The following DNAH9 variants were observed in gnomAD, a reference collection of about 807,000 sequenced individuals.
DNAH9 encodes the protein dynein axonemal heavy chain 9, also known as DNAH9 variant protein.
Under a neutral mutation model 471.6 loss-of-function variants are expected in DNAH9, and 345 were observed. The observed-to-expected ratio is 0.73, with a 90% confidence interval of 0.67 to 0.80. The LOEUF is 0.80. DNAH9 is among the 30% of genes least tolerant of loss of function. The probability of loss-of-function intolerance (pLI) is 0.00; values close to 1 mark genes in which losing one functional copy is unlikely to be tolerated. For missense variants in DNAH9, 5,407 were observed against 5,609.2 expected, an observed-to-expected ratio of 0.96 and a Z score of 1.15; for synonymous variants, 2,093 against 2,123.6, an observed-to-expected ratio of 0.99 and a Z score of 0.40.
intron 57 of DNAH9, among the ~76,000 whole-genome samples, chr17:11,889,205 T>C (rs560114562): frequency 2.0e-5 from 3 of 152,134 alleles, no homozygotes; most frequent in Non-Finnish European, 4.4e-5. Context: ...CAGAGAGACA[T>C]GGCTGGGGGA....
At chr17:11,615,429 A>C (rs552968787) in intron 4 of DNAH9, among the ~76,000 whole-genome samples, 1 of 151,968 alleles carries the variant, frequency 6.6e-6, no homozygotes, top group African/African-American at 2.4e-5. Context: ...TACTCAAAAT[A>C]CAAAAATTAG....
chr17:11,778,330 A>AAAG (rs1968530449), intron 38 of DNAH9, among the ~76,000 whole-genome samples: 4 of 33,188 alleles, frequency 1.2e-4, no homozygotes, highest in Non-Finnish European at 1.4e-4. Flanking sequence ...ACTCCATCTC[A>AAAG]AAAAAAAAAA....
intron 49 of DNAH9, among the ~76,000 whole-genome samples, chr17:11,843,795 G>T (rs931453290): frequency 6.9e-6 from 1 of 145,170 alleles, no homozygotes; most frequent in African/African-American, 2.5e-5. Context: ...TTTGAAATTA[G>T]TATAGTGATT....
intron 10 of DNAH9, 34 bp downstream of exon 10, chr17:11,640,418 T>C: frequency 7.2e-7 from 1 of 1,390,510 alleles, no homozygotes; most frequent in Non-Finnish European, 1.0e-6. Flanking sequence ...CAGGCTTGTC[T>C]TGGGCTGCTG....
chr17:11,781,731 C>T (rs1395010231), intron 39 of DNAH9, among the ~76,000 whole-genome samples: 1 of 151,116 alleles, frequency 6.6e-6, no homozygotes. Flanking sequence ...ACTCGGGAGG[C>T]TGAGGCAGGA....
chr17:11,954,045 A>G (rs768534077), intron 67 of DNAH9: 9 of 152,084 alleles, frequency 5.9e-5, no homozygotes, highest in East Asian at 1.9e-4. Flanking sequence ...ACACAGCAAT[A>G]AAAACATCTA....
At chr17:11,776,347 T>G (rs933732032) in intron 38 of DNAH9, among the ~76,000 whole-genome samples, 1 of 143,200 alleles carries the variant, frequency 7.0e-6, no homozygotes, top group Non-Finnish European at 1.5e-5. Flanking sequence ...CCATCACATC[T>G]GCATTCAAAA....
intron 48 of DNAH9, among the ~76,000 whole-genome samples, chr17:11,832,899 C>T (rs1970724140): frequency 6.6e-6 from 1 of 152,318 alleles, no homozygotes; most frequent in Non-Finnish European, 1.5e-5. Flanking sequence ...ATAAATAGGT[C>T]TGTGTCTTTC....
chr17:11,828,511 T>G (rs1970581338), intron 48 of DNAH9, among the ~76,000 whole-genome samples: 1 of 150,362 alleles, frequency 6.7e-6, no homozygotes, highest in South Asian at 2.1e-4. Flanking sequence ...GAGTGGGCAC[T>G]CATTAAATAT....
chr17:11,866,351 T>G (rs1010701120), intron 50 of DNAH9, among the ~76,000 whole-genome samples: 2 of 152,172 alleles, frequency 1.3e-5, no homozygotes, highest in Admixed American at 6.5e-5. Context: ...GAACCGCGAA[T>G]GCTGCTGTCT....
chr17:11,633,315 G>A (rs1459446955), intron 8 of DNAH9, among the ~76,000 whole-genome samples: 5 of 152,222 alleles, frequency 3.3e-5, no homozygotes, highest in Non-Finnish European at 7.3e-5. Flanking sequence ...AAGGGTTCCA[G>A]TAGTTGGTAG....
At chr17:11,777,400 C>G (rs1409072210) in intron 38 of DNAH9, among the ~76,000 whole-genome samples, 5 of 152,268 alleles carry the variant, frequency 3.3e-5, no homozygotes. Flanking sequence ...CTTTAAGTCT[C>G]TTCTTGTTCT....
Position 11,769,331 on chromosome 17 carries a change from T to G in DNAH9, c.7552+2T>G. 6.2e-7 allele frequency: 1 copy of G among 1,607,868 alleles called. No individual in the cohort carries two copies. On this transcript the variant is annotated splice_donor_variant, in intron 38 of 68. Transcript: ENST00000262442. LOFTEE classifies it high-confidence loss of function. ...ACACCACGTCAGCAATGCTGCAGGG[T>G]AAGCAGCCCAGGGCACCTGGGGTGG...
Position 11,935,126 on chromosome 17 carries a change from G to A in DNAH9, c.12489+1055G>A, listed in dbSNP as rs369478210. 1.2e-4 allele frequency among the ~76,000 whole-genome samples: 18 copies of A among 151,076 alleles called. No individual in the cohort carries two copies. The South Asian group carries it at 3.8e-3, about 32-fold the overall frequency. On this transcript the variant is annotated intron_variant, in intron 65 of 68. Transcript: ENST00000262442. ...ATTACAGGCCCCCACCACCACACCC[G>A]GTTTTTGTATTTTTTAGTGGAGACG...
rs562140279 is a variant in DNAH9 at position 11,919,178 on chromosome 17, T to C, written c.11750-4636T>C. On this transcript the variant is annotated intron_variant, in intron 61 of 68. Transcript: ENST00000262442. Reference sequence around the variant, plus strand: ...ATGTTTTTTCAGGGAATTAAGACAGTAGAGCAAACTGCTGAGCATAAGAAA... The same window carrying C: ...ATGTTTTTTCAGGGAATTAAGACAGCAGAGCAAACTGCTGAGCATAAGAAA... Among the ~76,000 whole-genome samples, 8 of 151,490 alleles carry C rather than the reference T, an allele frequency of 5.3e-5. No homozygotes were observed. The South Asian group carries it at 1.7e-3, about 32-fold the overall frequency.
At chr17:11,924,160 C>T (rs547303962) in intron 62 of DNAH9, among the ~76,000 whole-genome samples, 4 of 152,286 alleles carry the variant, frequency 2.6e-5, no homozygotes, top group African/African-American at 9.6e-5. Context: ...CCTGCTCTGT[C>T]ACTCTCTCTA....
Position 11,719,342 on chromosome 17 carries a change from T to G in DNAH9, c.5561T>G (p.Ile1854Ser), listed in dbSNP as rs148417462. The stretch of plus-strand genomic sequence containing the variant: ...CCTCCCGTGTTTGGCAGGTGCTACA[T>G]CACCCTCACCCAGTCCCTGCACCTG... The part of the protein sequence containing the change: ...VITPLTDRCY[I>S]TLTQSLHLTM... Residue 1854 changes from isoleucine to serine, a missense_variant, in exon 27 of 69, where the codon ATC becomes AGC. Around this residue, in one of 3 missense-constraint regions of DNAH9, gnomAD observed 4,636 missense variants for 4,900.3 expected, o/e 0.95. Coordinates refer to ENST00000262442, the MANE Select transcript of DNAH9 (RefSeq NM_001372.4). 3.9e-5 allele frequency: 63 copies of G among 1,613,748 alleles called. No homozygotes were observed. The highest frequency in any genetic ancestry group is 5.2e-5 in the Non-Finnish European group (61 of 1,179,930).
intron 39 of DNAH9, among the ~76,000 whole-genome samples, chr17:11,783,413 CCTAT>C (rs1190619157): frequency 6.6e-5 from 10 of 152,318 alleles, no homozygotes; most frequent in Non-Finnish European, 5.9e-5. Context: ...TGATTTTTCT[CCTAT>C]CTTTTTGTCC....
chr17:11,644,897 G>A (rs1260847494), intron 11 of DNAH9, among the ~76,000 whole-genome samples, 198 bp downstream of exon 11: 3 of 152,272 alleles, frequency 2.0e-5, no homozygotes, highest in East Asian at 3.9e-4. Context: ...CTGTATTCTG[G>A]AAATAAATAC....
Sources: gnomAD v4.1 joint callset for allele counts (sites outside exome capture counted in the v4.1 genomes callset) on GRCh38, gnomAD v4.1.1 for gene constraint, gnomAD v4.1.1 regional missense constraint, MANE v1.5 for transcripts, NCBI Gene and HGNC (gene_info 2026-07-23, HGNC 2026-07-21) for gene names.